The following PCDHA7 variants were observed in gnomAD, a reference collection of about 807,000 sequenced individuals.
PCDHA7 encodes protocadherin alpha-7.
PCDHA7 carries 37 observed loss-of-function variants against 57.2 expected under a neutral mutation model. The observed-to-expected ratio is 0.65, with a 90% CI of 0.50 to 0.85. PCDHA7 has a LOEUF of 0.85. Among genes scored for constraint, PCDHA7 ranks in the 40% least tolerant of loss-of-function variants. PCDHA7 has a pLI of 0.00. For missense variants in PCDHA7, 1,188 were observed against 1,241.8 expected (o/e 0.96, Z 0.65); for synonymous variants, 553 against 558.8 (o/e 0.99, Z 0.15).
rs782413551 is a variant in PCDHA7, at chr5:141,009,873, A to G, written c.2750A>G (p.Lys917Arg). Residue 917 changes from lysine to arginine, a missense_variant, in exon 4 of 4, where the codon AAG becomes AGG. By Grantham distance (26) the Lys-to-Arg change is conservative. Coordinates refer to ENST00000525929, the MANE Select transcript of PCDHA7 (RefSeq NM_018910.3). ...EETKKKKKKK[K>R]GNKTQEKKEK... The stretch of plus-strand genomic sequence containing the variant: ...ACCAAGAAAAAGAAGAAAAAGAAGA[A>G]GGGTAACAAGACCCAGGAGAAAAAA... 6.2e-7 allele frequency: 1 copy of G among 1,614,034 alleles called. No individual in the cohort carries two copies. The highest frequency in any genetic ancestry group is 8.5e-7 in the Non-Finnish European group (1 of 1,180,008).
intron 1 of PCDHA7, among the ~76,000 whole-genome samples, chr5:140,837,823 G>A (rs1554136656): frequency 1.3e-5 from 2 of 151,542 alleles, no homozygotes; most frequent in Admixed American, 1.3e-4. Flanking sequence ...AATACAGTTT[G>A]CATGTCATTG....
Position 140,895,899 on chromosome 5 carries a change from C to T in PCDHA7, c.2355+59161C>T, listed in dbSNP as rs181661173. Among the ~76,000 whole-genome samples, 21 of 152,308 alleles carry T rather than the reference C, an allele frequency of 1.4e-4. No homozygotes were observed. The East Asian group carries it at 2.5e-3, about 18-fold the overall frequency. ...CGATCTCGGCTCACTGCAACCTCCGCGTCCCGGGCTCAACAATTATCCTGC... is the reference window on the plus strand; with the variant it reads ...CGATCTCGGCTCACTGCAACCTCCGTGTCCCGGGCTCAACAATTATCCTGC... On this transcript the variant is annotated intron_variant, in intron 1 of 3. Transcript: ENST00000525929.
intron 1 of PCDHA7, among the ~76,000 whole-genome samples, chr5:140,908,903 C>T (rs116633080): frequency 2.5e-3 from 374 of 152,278 alleles, no homozygotes; most frequent in African/African-American, 8.5e-3. Context: ...AAGCCTCTTT[C>T]GTGGTTGTAG....
Position 140,848,531 on chromosome 5 carries a change from G to C in PCDHA7, c.2355+11793G>C. On this transcript the variant is annotated intron_variant, in intron 1 of 3. Coordinates refer to ENST00000525929, the MANE Select transcript of PCDHA7 (RefSeq NM_018910.3). ...CAAGTCGAGGAGATCCAGAGGGTCA[G>C]CCTCTACTGCTCTCGCTTCTGATCC... 3 of 1,594,876 alleles carry C rather than the reference G, an allele frequency of 1.9e-6. 1 individual carries two copies. The South Asian group carries it at 3.3e-5, about 18-fold the overall frequency.
chr5:140,874,901 T>G (rs896201686), intron 1 of PCDHA7, among the ~76,000 whole-genome samples: 2 of 152,208 alleles, frequency 1.3e-5, no homozygotes, highest in Admixed American at 1.3e-4. Context: ...TCTAAAATCT[T>G]ACGATGGAGT....
chr5:140,841,952 T>C (rs1323540473), intron 1 of PCDHA7: 1 of 1,613,914 alleles, frequency 6.2e-7, no homozygotes, highest in African/African-American at 1.3e-5. Flanking sequence ...GCACCACTTA[T>C]TCCTGACAGC....
At chr5:140,927,133 G>A (rs2083881073) in intron 1 of PCDHA7, 16 of 1,613,984 alleles carry the variant, frequency 9.9e-6, no homozygotes, top group Non-Finnish European at 1.4e-5. Context: ...CAGAGAGCCG[G>A]CGGACCGCGA....
intron 3 of PCDHA7, among the ~76,000 whole-genome samples, chr5:141,008,360 G>C (rs569459357): frequency 6.6e-6 from 1 of 152,220 alleles, no homozygotes; most frequent in South Asian, 2.1e-4. Flanking sequence ...TCAACCAAAG[G>C]AGCAGTGTTA....
At chr5:140,870,015 T>C (rs367677663) in intron 1 of PCDHA7, 5 of 1,613,476 alleles carry the variant, frequency 3.1e-6, no homozygotes, top group Admixed American at 1.7e-5. Context: ...TGAGGGTCAA[T>C]GGAACTTTAG....
intron 1 of PCDHA7, chr5:140,877,591 G>GT: frequency 6.2e-7 from 1 of 1,613,852 alleles, no homozygotes; most frequent in Non-Finnish European, 8.5e-7. Context: ...CATCTGTGCG[G>GT]TGTCCAGCCT....
At position 140,841,428 on chromosome 5, in the gene PCDHA7, C is replaced by A. The variant is rs2150315251; in HGVS notation, c.2355+4690C>A. Reference sequence around the variant, plus strand: ...AGCGGCCAGCTCCACTACTCCGTCCCCGAGGAGGCCAAACACGGCACCTTC... The same window carrying A: ...AGCGGCCAGCTCCACTACTCCGTCCACGAGGAGGCCAAACACGGCACCTTC... On this transcript the variant is annotated intron_variant, in intron 1 of 3. Coordinates refer to ENST00000525929, the MANE Select transcript of PCDHA7 (RefSeq NM_018910.3). The A allele has an allele frequency of 7.4e-6, 12 of 1,612,842 alleles. No homozygotes were observed. The highest frequency in any genetic ancestry group is 5.0e-5 in the Admixed American group (3 of 59,990).
chr5:140,863,615 T>A (rs1290782399), intron 1 of PCDHA7: 16 of 339,092 alleles, frequency 4.7e-5, no homozygotes, highest in Non-Finnish European at 8.7e-5. Context: ...ATGTCCCTCA[T>A]AGTGACATTG....
At chr5:140,873,973 T>C (rs1255024393) in intron 1 of PCDHA7, among the ~76,000 whole-genome samples, 2 of 152,224 alleles carry the variant, frequency 1.3e-5, no homozygotes. Flanking sequence ...TTTTTTAAAA[T>C]TAAAGTTCCT....
intron 1 of PCDHA7, among the ~76,000 whole-genome samples, chr5:140,963,054 T>G (rs1554226381): frequency 6.6e-6 from 1 of 152,174 alleles, no homozygotes; most frequent in Non-Finnish European, 1.5e-5. Flanking sequence ...TATAAGGGTT[T>G]CTACATTGTG....
chr5:140,852,802 T>G (rs2042479585), intron 1 of PCDHA7: 1 of 976,830 alleles, frequency 1.0e-6, no homozygotes, highest in Admixed American at 6.3e-5. Context: ...CAGATGTCAT[T>G]TGTCTCCCGC....
chr5:140,871,492 C>G (rs782396000), intron 1 of PCDHA7: 1 of 1,589,508 alleles, frequency 6.3e-7, no homozygotes, highest in Admixed American at 1.8e-5. Context: ...TCACCCCGGA[C>G]AGGTGAGTTT....
Position 141,002,363 on chromosome 5 carries a change from A to G in PCDHA7, c.2504-7264A>G, listed in dbSNP as rs75749580. On this transcript the variant is annotated intron_variant, in intron 3 of 3. Transcript: ENST00000525929. ...CCTTCCCCCACCTCCACTCCTTTCAACTCATTCTGGCTTAGGGCTCCTGCT... is the reference window on the plus strand; with the variant it reads ...CCTTCCCCCACCTCCACTCCTTTCAGCTCATTCTGGCTTAGGGCTCCTGCT... Among the ~76,000 whole-genome samples, 567 of 152,272 alleles carry G rather than the reference A, an allele frequency of 3.7e-3. 5 individuals are homozygous for G. Among genetic ancestry groups the G allele is most frequent in the African/African-American group, 0.013 (537 of 41,558 alleles).
intron 1 of PCDHA7, among the ~76,000 whole-genome samples, chr5:140,911,208 G>A (rs1554194651): frequency 6.6e-6 from 1 of 152,154 alleles, no homozygotes; most frequent in Non-Finnish European, 1.5e-5. Flanking sequence ...TGCCACTACT[G>A]GGGATGAGAA....
At chr5:140,919,926 T>C (rs1040693581) in intron 1 of PCDHA7, among the ~76,000 whole-genome samples, 18 of 152,088 alleles carry the variant, frequency 1.2e-4, no homozygotes, top group African/African-American at 4.1e-4. Flanking sequence ...AATTTTCAGG[T>C]GGGGGCTAAT....
Sources: allele counts gnomAD v4.1 joint callset (sites outside exome capture counted in the v4.1 genomes callset), GRCh38; gene constraint gnomAD v4.1.1; transcripts MANE v1.5; gene names NCBI Gene and HGNC (gene_info 2026-07-23, HGNC 2026-07-21).